LRFN2: variants seen among roughly 807,000 people sequenced by gnomAD.
LRFN2 encodes leucine-rich repeat and fibronectin type-III domain-containing protein 2.
LRFN2 carries 18 observed loss-of-function variants against 37.3 expected under a neutral mutation model. The ratio of observed to expected loss-of-function variants is 0.48; its 90% confidence interval spans 0.33 to 0.72. The LOEUF (loss-of-function observed/expected upper bound fraction) is 0.72. Among genes scored for constraint, LRFN2 ranks in the 30% least tolerant of loss-of-function variants. The pLI, the probability that LRFN2 is intolerant of heterozygous loss-of-function variation, is 0.02. For missense variants in LRFN2, 1,006 were observed against 1,060.7 expected (o/e 0.95, Z 0.72); for synonymous variants, 556 against 466.6 (o/e 1.19, Z -2.47).
At chr6:40,452,765 C>T (rs1764141256) in intron 1 of LRFN2, among the ~76,000 whole-genome samples, 2 of 152,094 alleles carry the variant, frequency 1.3e-5, no homozygotes, top group African/African-American at 4.8e-5. Flanking sequence ...CCTTCTCCCC[C>T]AATACTTCCT....
At chr6:40,520,450 T>C (rs540795767) in intron 1 of LRFN2, among the ~76,000 whole-genome samples, 10 of 152,194 alleles carry the variant, frequency 6.6e-5, no homozygotes, top group Middle Eastern at 6.8e-3. Flanking sequence ...AAAGAAGAGA[T>C]AATGCTAGGT....
chr6:40,478,347 A>G (rs945751711), intron 1 of LRFN2, among the ~76,000 whole-genome samples: 1 of 152,216 alleles, frequency 6.6e-6, no homozygotes, highest in African/African-American at 2.4e-5. Context: ...TGCCACCATT[A>G]TCACCACCAC....
chr6:40,545,854 A>G (rs547009767), intron 1 of LRFN2, among the ~76,000 whole-genome samples: 137 of 152,212 alleles, frequency 9.0e-4, no homozygotes, highest in African/African-American at 1.9e-3. Flanking sequence ...ATGAGTAGAG[A>G]AGTATTTTAA....
intron 2 of LRFN2, among the ~76,000 whole-genome samples, chr6:40,393,546 CAG>C (rs1190573025): frequency 6.6e-6 from 1 of 151,978 alleles, no homozygotes; most frequent in Admixed American, 6.6e-5. Flanking sequence ...GAGGGAGAGA[CAG>C]AGAGGCAGAG....
intron 1 of LRFN2, among the ~76,000 whole-genome samples, chr6:40,549,119 C>T (rs1766719552): frequency 6.6e-6 from 1 of 152,176 alleles, no homozygotes; most frequent in Non-Finnish European, 1.5e-5. Context: ...AAGATGTTGC[C>T]ATTCAGGACC....
chr6:40,398,301 G>T (rs1762656908), intron 2 of LRFN2, among the ~76,000 whole-genome samples: 1 of 151,918 alleles, frequency 6.6e-6, no homozygotes, highest in African/African-American at 2.4e-5. Context: ...CTCCATTGAG[G>T]CACATTGGTT....
At position 40,472,775 on chromosome 6, in the gene LRFN2, A is replaced by G. The variant is rs1320646866; in HGVS notation, c.-18-39644T>C. Among the ~76,000 whole-genome samples the G allele has an allele frequency of 2.0e-5, 3 of 151,854 alleles. No homozygotes were observed. In the East Asian group the frequency reaches 5.8e-4, roughly 29 times the overall value. On this transcript the variant is annotated intron_variant, in intron 1 of 2. Coordinates refer to ENST00000338305, the MANE Select transcript of LRFN2 (RefSeq NM_020737.3). Reference sequence around the variant, plus strand: ...CTCTCCTGCCTGCACCTGCTGCCTCACCTTTCAGGCACCTTGGCAGGCTGA... The same window carrying G: ...CTCTCCTGCCTGCACCTGCTGCCTCGCCTTTCAGGCACCTTGGCAGGCTGA...
Position 40,476,505 on chromosome 6 carries a change from G to A in LRFN2, c.-18-43374C>T, listed in dbSNP as rs562746968. On this transcript the variant is annotated intron_variant, in intron 1 of 2. Coordinates refer to ENST00000338305, the MANE Select transcript of LRFN2 (RefSeq NM_020737.3). ...GCCTGGTGCAGAGCTGGGTACACGG[G>A]GAACCCCATAGGTGCTGAGTTAGCA... 2.0e-5 allele frequency among the ~76,000 whole-genome samples: 3 copies of A among 152,318 alleles called. No individual in the cohort carries two copies. In the East Asian group the frequency reaches 5.8e-4, roughly 29 times the overall value.
chr6:40,399,089 G>T (rs1428146214), intron 2 of LRFN2, among the ~76,000 whole-genome samples: 1 of 151,894 alleles, frequency 6.6e-6, no homozygotes, highest in Admixed American at 6.5e-5. Flanking sequence ...CGGAAGAGGG[G>T]AGAAGCCAGG....
intron 1 of LRFN2, among the ~76,000 whole-genome samples, chr6:40,562,790 T>C (rs1767022263): frequency 6.6e-6 from 1 of 151,672 alleles, no homozygotes; most frequent in South Asian, 2.1e-4. Context: ...GCCTCCATGG[T>C]ACATGCAAAG....
At chr6:40,465,090 G>A (rs1223047983) in intron 1 of LRFN2, among the ~76,000 whole-genome samples, 3 of 152,118 alleles carry the variant, frequency 2.0e-5, no homozygotes, top group Non-Finnish European at 4.4e-5. Context: ...AGGGAAGGAG[G>A]TGACAAGGTC....
intron 1 of LRFN2, among the ~76,000 whole-genome samples, chr6:40,536,827 C>A (rs1441946495): frequency 1.3e-5 from 2 of 152,180 alleles, no homozygotes; most frequent in Non-Finnish European, 2.9e-5. Flanking sequence ...TATCTCCTGG[C>A]CCCTGGCGAA....
chr6:40,407,600 A>C (rs746430559), intron 2 of LRFN2, among the ~76,000 whole-genome samples: 1 of 152,254 alleles, frequency 6.6e-6, no homozygotes, highest in Non-Finnish European at 1.5e-5. Flanking sequence ...TTGTTCAACA[A>C]CAACTCATCA....
chr6:40,447,197 C>T (rs555074120), intron 1 of LRFN2, among the ~76,000 whole-genome samples: 162 of 152,326 alleles, frequency 1.1e-3, no homozygotes, highest in African/African-American at 3.8e-3. Context: ...TATTAGTTTT[C>T]CAAGAAAAGT....
rs566932468 is a variant in LRFN2 at position 40,436,494 on chromosome 6, T to G, written c.-18-3363A>C. 4.0e-4 allele frequency among the ~76,000 whole-genome samples: 32 copies of G among 79,634 alleles called. No homozygotes were observed. In the East Asian group the frequency reaches 0.01, roughly 26 times the overall value. The allele number at this position is 79,634 out of a possible 152,430, so 52.2% of individuals were successfully genotyped here. On this transcript the variant is annotated intron_variant, in intron 1 of 2. Transcript: ENST00000338305. Reference sequence around the variant, plus strand: ...TGACCTCTGTTCTATAGGATATGTGTTTTTTTTTTTCATCTTCATCAAGGG... The same window carrying G: ...TGACCTCTGTTCTATAGGATATGTGGTTTTTTTTTTCATCTTCATCAAGGG...
intron 1 of LRFN2, among the ~76,000 whole-genome samples, chr6:40,564,893 A>G (rs1305391303): frequency 1.3e-5 from 2 of 151,932 alleles, no homozygotes; most frequent in African/African-American, 4.8e-5. Flanking sequence ...AGCCTCCTCC[A>G]CCACCATCAC....
At chr6:40,479,494 T>A (rs908186394) in intron 1 of LRFN2, among the ~76,000 whole-genome samples, 2 of 152,224 alleles carry the variant, frequency 1.3e-5, no homozygotes, top group African/African-American at 2.4e-5. Flanking sequence ...AAGCTACTTC[T>A]GCTAAGTTAC....
chr6:40,452,794 T>A (rs1764142040), intron 1 of LRFN2, among the ~76,000 whole-genome samples: 1 of 150,990 alleles, frequency 6.6e-6, no homozygotes, highest in East Asian at 1.9e-4. Context: ...AGAGAGGAGG[T>A]CACACAAAGA....
At position 40,558,891 on chromosome 6, in the gene LRFN2, G is replaced by C. The variant is rs184740999; in HGVS notation, c.-19+28050C>G. On this transcript the variant is annotated intron_variant, in intron 1 of 2. Coordinates refer to ENST00000338305, the MANE Select transcript of LRFN2 (RefSeq NM_020737.3). ...CAGAGGCATCTCAATCCAAAGCCGG[G>C]CTTGCCCGTGACACTGTGCAGAGGA... is the stretch of plus-strand genomic sequence containing the variant. 1.6e-3 allele frequency among the ~76,000 whole-genome samples: 242 copies of C among 152,332 alleles called. 1 individual carries two copies. Among genetic ancestry groups the C allele is most frequent in the Middle Eastern group, 3.4e-3 (1 of 294 alleles).
Sources: gnomAD v4.1 joint callset for allele counts (sites outside exome capture counted in the v4.1 genomes callset) on GRCh38, gnomAD v4.1.1 for gene constraint, MANE v1.5 for transcripts, NCBI Gene and HGNC (gene_info 2026-07-23, HGNC 2026-07-21) for gene names.